Variants in CUBN observed in about 807,000 individuals in gnomAD.
The protein encoded by CUBN is 460 kDa receptor.
CUBN carries 282 observed loss-of-function variants against 405.3 expected under a neutral mutation model. That is an observed-to-expected ratio of 0.70 (90% CI 0.63 to 0.77). The LOEUF is 0.77. CUBN is among the 30% of genes least tolerant of loss of function. The probability of loss-of-function intolerance (pLI) is 0.00; values close to 1 mark genes in which losing one functional copy is unlikely to be tolerated. For missense variants in CUBN, 4,514 were observed against 4,475.2 expected (o/e 1.01, Z -0.25); for synonymous variants, 1,684 against 1,617.0 (o/e 1.04, Z -0.99).
intron 59 of CUBN, among the ~76,000 whole-genome samples, chr10:16,864,471 C>A (rs936892486): frequency 4.6e-5 from 7 of 152,014 alleles, no homozygotes; most frequent in Non-Finnish European, 1.5e-5. Flanking sequence ...AAGGTGCTTT[C>A]CAGAAATTAT....
At chr10:17,107,241 A>G (rs2131304323) in intron 10 of CUBN, among the ~76,000 whole-genome samples, 1 of 152,326 alleles carries the variant, frequency 6.6e-6, no homozygotes, top group Non-Finnish European at 1.5e-5. Context: ...ACTAAATTTA[A>G]TATCCAGAGA....
intron 46 of CUBN, 122 bp from the exon 47 acceptor site, chr10:16,915,294 G>T: frequency 8.9e-7 from 1 of 1,125,954 alleles, no homozygotes; most frequent in Non-Finnish European, 1.3e-6. Context: ...ATGAAGAAAC[G>T]TTAATCTCTG....
Position 16,996,063 on chromosome 10 carries a change from T to G in CUBN, c.4169-5548A>C, listed in dbSNP as rs1253310025. Among the ~76,000 whole-genome samples the G allele has an allele frequency of 2.0e-5, 3 of 152,144 alleles. No individual in the cohort carries two copies. The East Asian group carries it at 5.8e-4, about 29-fold the overall frequency. On this transcript the variant is annotated intron_variant, in intron 28 of 66. Coordinates refer to ENST00000377833, the MANE Select transcript of CUBN (RefSeq NM_001081.4). ...TCTGTGTTCTCTCTCCCCCATGCCTTGCCGAGAACTTCAGCTCAAAGGCAC... is the reference window on the plus strand; with the variant it reads ...TCTGTGTTCTCTCTCCCCCATGCCTGGCCGAGAACTTCAGCTCAAAGGCAC...
chr10:16,971,642 T>G (rs1341989399), intron 31 of CUBN, among the ~76,000 whole-genome samples: 1 of 152,158 alleles, frequency 6.6e-6, no homozygotes, highest in Non-Finnish European at 1.5e-5. Context: ...TGCCAAGCCA[T>G]GGGTTTCAAT....
At chr10:17,023,099 C>CT (rs137909835) in intron 27 of CUBN, among the ~76,000 whole-genome samples, 13,688 of 151,722 alleles carry the variant, frequency 0.09, 847 homozygotes, top group East Asian at 0.18. Flanking sequence ...AAAGAGATTT[C>CT]TTTTTTTTCC....
chr10:17,076,282 C>T (rs1464719513), intron 17 of CUBN, among the ~76,000 whole-genome samples: 9 of 152,092 alleles, frequency 5.9e-5, no homozygotes, highest in African/African-American at 2.2e-4. Context: ...CTGTTTCTCT[C>T]TCTCTCTGTG....
Position 16,899,002 on chromosome 10 carries a change from G to A in CUBN, c.8592C>T (p.Phe2864=), listed in dbSNP as rs199733240. 11 of 1,607,618 alleles carry A rather than the reference G, an allele frequency of 6.8e-6. No individual in the cohort carries two copies. The highest frequency in any genetic ancestry group is 2.2e-5 in the East Asian group (1 of 44,868). ...AATGAACAAGTGTACTAACCTTCAC[G>A]AAGCTATTCTGACATTGTCCATCAC... The part of the protein sequence containing the change: ...PSGDGQCQNS[F]VKVWAGTEEV... The change falls in exon 54 of 67, where the codon TTC becomes TTT. Residue 2864 remains phenylalanine (F), a synonymous_variant. Transcript: ENST00000377833.
intron 28 of CUBN, among the ~76,000 whole-genome samples, chr10:16,993,303 T>C (rs1307626859): frequency 6.6e-6 from 1 of 152,260 alleles, no homozygotes; most frequent in Non-Finnish European, 1.5e-5. Flanking sequence ...TAGCATTCGT[T>C]CATCAGCCAA....
At position 16,877,036 on chromosome 10, in the gene CUBN, G is replaced by T. The variant is rs560485793; in HGVS notation, c.8967C>A (p.Ser2989Arg). Reference sequence around the variant, plus strand: ...CAGTAGCAAATGGGGTGGACATGACGCTGTAACCTCTGATAATGTGCACGC... The same window carrying T: ...CAGTAGCAAATGGGGTGGACATGACTCTGTAACCTCTGATAATGTGCACGC... ...NDGVHIIRGY[S>R]VMSTPFATVC... The change falls in exon 57 of 67, where the codon AGC becomes AGA. Residue 2989 changes from serine to arginine, a missense_variant. Around this residue, in one of 5 missense-constraint regions of CUBN, gnomAD observed 1,186 missense variants for 1,186.9 expected, o/e 1.00. Coordinates refer to ENST00000377833, the MANE Select transcript of CUBN (RefSeq NM_001081.4). The T allele has an allele frequency of 1.2e-5, 20 of 1,613,994 alleles. No individual in the cohort carries two copies. Among genetic ancestry groups the T allele is most frequent in the Non-Finnish European group, 1.6e-5 (19 of 1,180,012 alleles).
intron 31 of CUBN, among the ~76,000 whole-genome samples, chr10:16,969,051 T>C (rs1843478771): frequency 6.6e-6 from 1 of 152,234 alleles, no homozygotes; most frequent in Non-Finnish European, 1.5e-5. Context: ...CTTTTCTCAT[T>C]ATAGCAGCAT....
In CUBN at chr10:17,084,334, T is replaced by TA; in HGVS notation, c.2237dup (p.Gln747ThrfsTer14). ...GCTCCACGTGGGTGAAGTTGATTTG[T>TA]ATTTGTTCTCCCTGGGGCTGCTTCA... On this transcript the variant is annotated frameshift_variant, in exon 17 of 67. Transcript: ENST00000377833. LOFTEE classifies it high-confidence loss of function. The TA allele has an allele frequency of 6.2e-7, 1 of 1,614,164 alleles. No individual in the cohort carries two copies. The highest frequency in any genetic ancestry group is 8.5e-7 in the Non-Finnish European group (1 of 1,180,026).
At chr10:17,095,803 C>T (rs1398370320) in intron 14 of CUBN, among the ~76,000 whole-genome samples, 2 of 152,064 alleles carry the variant, frequency 1.3e-5, no homozygotes, top group African/African-American at 4.8e-5. Context: ...ATGTTCATTG[C>T]AGCATTATTC....
chr10:16,891,921 A>G (rs866098598), intron 54 of CUBN, among the ~76,000 whole-genome samples: 1 of 152,158 alleles, frequency 6.6e-6, no homozygotes, highest in Non-Finnish European at 1.5e-5. Flanking sequence ...TTCTATCAAC[A>G]GACAACTATC....
chr10:17,045,503 G>A (rs1355348774), intron 24 of CUBN, among the ~76,000 whole-genome samples: 2 of 151,710 alleles, frequency 1.3e-5, no homozygotes, highest in Non-Finnish European at 2.9e-5. Context: ...GAGATTATAG[G>A]CACCTGCCAC....
At chr10:17,022,828 T>C (rs920509201) in intron 27 of CUBN, among the ~76,000 whole-genome samples, 1 of 152,254 alleles carries the variant, frequency 6.6e-6, no homozygotes, top group Non-Finnish European at 1.5e-5. Context: ...CTTTGGATTG[T>C]AATTTAGTGA....
chr10:17,129,736 C>A lies in CUBN; in HGVS notation c.30G>T (p.Trp10Cys). MMNMSLPFL[W>C]SLLTLLIFAE... ...CAAATATTAATAAGGTAAGCAAACT[C>A]CAAAGAAAAGGTAAAGACATGTTCA... Residue 10 changes from tryptophan to cysteine, a missense_variant, in exon 1 of 67, where the codon TGG becomes TGT. Physicochemically the swap from Trp to Cys is radical, Grantham distance 215 (BLOSUM62 -2). Transcript: ENST00000377833. 6.2e-7 allele frequency: 1 copy of A among 1,614,010 alleles called. No individual in the cohort carries two copies.
chr10:16,874,452 T>G lies in CUBN; in HGVS notation c.9158A>C (p.Tyr3053Ser). 1 of 1,614,132 alleles carries G rather than the reference T, an allele frequency of 6.2e-7. No homozygotes were observed. The highest frequency in any genetic ancestry group is 1.1e-5 in the South Asian group (1 of 91,090). Residue 3053 changes from tyrosine to serine, a missense_variant, in exon 58 of 67, where the codon TAT (tyrosine) becomes TCT (serine). By Grantham distance (144) the Tyr-to-Ser change is moderately radical (BLOSUM62 -2). This residue lies in a region of CUBN where 1,186 missense variants were observed against 1,186.9 expected (regional missense o/e 1.00). Coordinates refer to ENST00000377833, the MANE Select transcript of CUBN (RefSeq NM_001081.4). ...ATCATTTGGGTAGTCTGCGTATGAA[T>G]AGGCAGGACTTGTGATGATTCCAGA... ...FSSGIITSPAYSYADYPNDMH... is the reference protein window; with the variant it reads ...FSSGIITSPASSYADYPNDMH...
chr10:17,069,334 C>T (rs944935054), intron 19 of CUBN, among the ~76,000 whole-genome samples: 2 of 152,094 alleles, frequency 1.3e-5, no homozygotes, highest in Non-Finnish European at 2.9e-5. Flanking sequence ...TTTCATTCCC[C>T]TTGAGAATAT....
intron 57 of CUBN, 37 bp from the exon 58 acceptor site, chr10:16,874,540 G>A (rs1840447501): frequency 3.7e-6 from 6 of 1,612,814 alleles, no homozygotes; most frequent in East Asian, 2.2e-5. Flanking sequence ...AGAGAACAAC[G>A]ATTAGTCCCA....
Sources: allele counts gnomAD v4.1 joint callset (sites outside exome capture counted in the v4.1 genomes callset), GRCh38; gene constraint gnomAD v4.1.1; regional missense constraint gnomAD v4.1.1; transcripts MANE v1.5; gene names NCBI Gene and HGNC (gene_info 2026-07-23, HGNC 2026-07-21).